The following ZNF7 variants were observed in gnomAD, a reference collection of about 807,000 sequenced individuals.
ZNF7 encodes the protein C2-H2 type zinc finger protein.
A neutral mutation model predicts 12.0 loss-of-function variants in ZNF7; 10 were observed. The observed-to-expected ratio is 0.83, with a 90% CI of 0.51 to 1.42. The LOEUF (loss-of-function observed/expected upper bound fraction) is 1.42, where lower values mean the gene tolerates loss of function less well. Ranked by LOEUF, ZNF7 falls within the 40% of genes most tolerant of loss-of-function variation. The pLI, the probability that ZNF7 is intolerant of heterozygous loss-of-function variation, is 0.00. For synonymous variants in ZNF7, 334 were observed against 295.0 expected (o/e 1.13, Z -1.35); for missense variants, 854 against 837.2 (o/e 1.02, Z -0.25).
At position 144,841,956 on chromosome 8, in the gene ZNF7, T is replaced by C; in HGVS notation, c.849T>C (p.Cys283=). Residue 283 remains cysteine (C), a synonymous_variant, in exon 5 of 5, where the codon TGT becomes TGC. Coordinates refer to ENST00000532777, the MANE Select transcript of ZNF7 (RefSeq NM_003416.4). ...AGAAACCCTTTAAATGCACTGAGTGTGGAAAAGCCTTCCGCCTGAGCTCAA... is the reference window on the plus strand; with the variant it reads ...AGAAACCCTTTAAATGCACTGAGTGCGGAAAAGCCTTCCGCCTGAGCTCAA... ...TGEKPFKCTE[C]GKAFRLSSKL... 1.2e-6 allele frequency: 2 copies of C among 1,614,154 alleles called. No homozygotes were observed. Among genetic ancestry groups the C allele is most frequent in the South Asian group, 1.1e-5 (1 of 91,080 alleles).
chr8:144,838,879 TTGCAGTGAGCC>T (rs1432999913), intron 4 of ZNF7: 3 of 36,336 alleles, frequency 8.3e-5, no homozygotes, highest in Admixed American at 3.5e-4. Context: ...GAGGCAGAGC[TTGCAGTGAGCC>T]GAGATTGCGC....
chr8:144,845,962 CTT>C (rs1323034678), downstream of ZNF7: 1 of 1,535,862 alleles, frequency 6.5e-7, no homozygotes, highest in East Asian at 2.4e-5. Context: ...GTTGCTGTTG[CTT>C]TTTCTCTACT....
intron 3 of ZNF7, chr8:144,835,208 T>C (rs1283320069): frequency 6.6e-6 from 1 of 151,978 alleles, no homozygotes; most frequent in Non-Finnish European, 1.5e-5. Flanking sequence ...ATTTTCTTTT[T>C]TTTTTTTTTT....
downstream of ZNF7, chr8:144,845,937 A>G (rs780815975): frequency 1.3e-6 from 2 of 1,526,138 alleles, no homozygotes; most frequent in African/African-American, 1.4e-5. Flanking sequence ...GGTCACCTTC[A>G]GGTCTAGCAC....
At chr8:144,829,774 G>A (rs2130536717) in intron 3 of ZNF7, 170 bp downstream of exon 3, 1 of 829,394 alleles carries the variant, frequency 1.2e-6, no homozygotes, top group Non-Finnish European at 1.7e-6. Context: ...CTTTGCCCAT[G>A]TCATGGGGTT....
At chr8:144,837,613 G>C (rs962386383) in intron 4 of ZNF7, 106 bp downstream of exon 4, 26 of 756,654 alleles carry the variant, frequency 3.4e-5, no homozygotes, top group Non-Finnish European at 4.9e-5. Flanking sequence ...GCTACACTGG[G>C]ATGCCTGGGA....
At chr8:144,828,909 A>G in intron 1 of ZNF7, 134 bp from the exon 2 acceptor site, 3 of 1,158,816 alleles carry the variant, frequency 2.6e-6, no homozygotes, top group Non-Finnish European at 3.7e-6. Context: ...TGGCTGCTTC[A>G]GCCCAGCCCC....
downstream of ZNF7, chr8:144,846,047 C>G (rs1403310535): frequency 1.3e-6 from 2 of 1,536,622 alleles, no homozygotes; most frequent in Non-Finnish European, 1.7e-6. Flanking sequence ...AACTCCTGTT[C>G]CTGGCCTTCC....
chr8:144,844,651 G>A (rs1325688748), downstream of ZNF7, among the ~76,000 whole-genome samples: 4 of 145,544 alleles, frequency 2.7e-5, no homozygotes, highest in Non-Finnish European at 6.0e-5. Context: ...AGAGCTTGCA[G>A]TGAGCCAAGA....
At position 144,842,844 on chromosome 8, in the gene ZNF7, G is replaced by A. The variant is rs1254844082; in HGVS notation, c.1737G>A (p.Lys579=). The change falls in exon 5 of 5, where the codon AAG becomes AAA. Residue 579 remains lysine, a synonymous_variant. Transcript: ENST00000532777. ...ACCAGATAATTCATGCAGGGGTGAA[G>A]CCCTATGAGTGCAGTGAGTGTGGAA... ...FQHQIIHAGV[K]PYECSECGKA... is the part of the protein sequence containing the mutation. The A allele has an allele frequency of 2.5e-6, 4 of 1,614,086 alleles. No homozygotes were observed. The highest frequency in any genetic ancestry group is 2.7e-5 in the African/African-American group (2 of 74,926).
At chr8:144,829,641 T>A in intron 3 of ZNF7, 37 bp downstream of exon 3, 1 of 1,580,364 alleles carries the variant, frequency 6.3e-7, no homozygotes, top group Non-Finnish European at 8.6e-7. Flanking sequence ...CCCTGCATCA[T>A]CAGTCAGCAC....
At chr8:144,829,777 A>G in intron 3 of ZNF7, 173 bp downstream of exon 3, 1 of 798,912 alleles carries the variant, frequency 1.3e-6, no homozygotes. Flanking sequence ...TGCCCATGTC[A>G]TGGGGTTCAG....
At chr8:144,844,956 G>A (rs1291671447), downstream of ZNF7, among the ~76,000 whole-genome samples, 1 of 151,922 alleles carries the variant, frequency 6.6e-6, no homozygotes, top group Non-Finnish European at 1.5e-5. Flanking sequence ...ACGATGGTAG[G>A]GAAAAGAACT....
At chr8:144,827,811 A>G in intron 1 of ZNF7, 2 of 505,714 alleles carry the variant, frequency 4.0e-6, no homozygotes, top group Non-Finnish European at 5.1e-6. Context: ...CGGCGGCGCG[A>G]GGTGGGCTTC....
At position 144,843,704 on chromosome 8, in the gene ZNF7, T is replaced by C. The variant is rs986744308; in HGVS notation, c.*536T>C. ...TGTCCCTCAAAATCAGGGTGCAGTC[T>C]GCAGTTTTGAGTTGACAGGTCCCTG... On this transcript the variant is annotated 3_prime_UTR_variant, in exon 5 of 5. Transcript: ENST00000532777. The C allele has an allele frequency of 2.6e-5, 4 of 152,244 alleles. No individual in the cohort carries two copies. The highest frequency in any genetic ancestry group is 4.8e-5 in the African/African-American group (2 of 41,442). The allele number at this position is 152,244 out of a possible 1,614,324, so 9.4% of individuals were successfully genotyped here.
Position 144,842,622 on chromosome 8 carries a change from C to G in ZNF7, c.1515C>G (p.Ala505=). The change falls in exon 5 of 5, where the codon GCC becomes GCG. Residue 505 remains alanine (A), a synonymous_variant. Coordinates refer to ENST00000532777, the MANE Select transcript of ZNF7 (RefSeq NM_003416.4). The part of the protein sequence containing the change: ...KPYVCNDCGK[A]FSQSSSLIYH... ...ATGTGTGTAATGACTGTGGAAAAGC[C>G]TTCAGTCAGAGTTCCAGCCTTATTT... 6.2e-7 allele frequency: 1 copy of G among 1,614,190 alleles called. No individual in the cohort carries two copies.
In ZNF7 at chr8:144,842,230, T is replaced by C. The variant is rs1830027773; in HGVS notation, c.1123T>C (p.Ser375Pro). 1 of 1,613,972 alleles carries C rather than the reference T, an allele frequency of 6.2e-7. No individual in the cohort carries two copies. The highest frequency in any genetic ancestry group is 1.3e-5 in the African/African-American group (1 of 74,898). ...KECGKAFSQS[S>P]TLAQHQRMHT... Reference sequence around the variant, plus strand: ...GTGTGGGAAGGCCTTCAGCCAGAGCTCCACCCTAGCCCAGCATCAAAGGAT... The same window carrying C: ...GTGTGGGAAGGCCTTCAGCCAGAGCCCCACCCTAGCCCAGCATCAAAGGAT... The change falls in exon 5 of 5, where the codon TCC becomes CCC. Residue 375 changes from serine to proline, a missense_variant. By Grantham distance (74) the Ser-to-Pro change is moderately conservative. Transcript: ENST00000532777.
chr8:144,838,122 C>T, intron 4 of ZNF7: 2 of 703,008 alleles, frequency 2.8e-6, no homozygotes, highest in Admixed American at 4.0e-5. Context: ...GGTTTTCTGG[C>T]AGTCCTTGGG....
intron 4 of ZNF7, among the ~76,000 whole-genome samples, chr8:144,839,379 T>G (rs549706256): frequency 1.3e-5 from 2 of 152,342 alleles, no homozygotes; most frequent in Admixed American, 6.5e-5. Flanking sequence ...TGCTGGCTAC[T>G]CCCATGTGAT....
Sources: allele counts gnomAD v4.1 joint callset (sites outside exome capture counted in the v4.1 genomes callset), GRCh38; gene constraint gnomAD v4.1.1; transcripts MANE v1.5; gene names NCBI Gene and HGNC (gene_info 2026-07-23, HGNC 2026-07-21).